The following NRXN3 variants were observed in gnomAD, a reference collection of about 807,000 sequenced individuals.
The protein encoded by NRXN3 is neurexin III.
Under a neutral mutation model 137.6 loss-of-function variants are expected in NRXN3, and 32 were observed. The observed-to-expected ratio is 0.23, with a 90% CI of 0.18 to 0.31. The LOEUF (loss-of-function observed/expected upper bound fraction) is 0.31, where lower values mean the gene tolerates loss of function less well. Ranked by LOEUF, NRXN3 falls within the 10% of genes least tolerant of loss-of-function variation. The pLI is 1.00. For missense variants in NRXN3, 1,574 were observed against 2,062.5 expected, an observed-to-expected ratio of 0.76 and a Z score of 4.59; for synonymous variants, 798 against 784.5, an observed-to-expected ratio of 1.02 and a Z score of -0.29.
chr14:78,543,658 T>C (rs758002762), intron 4 of NRXN3, among the ~76,000 whole-genome samples: 3 of 152,174 alleles, frequency 2.0e-5, no homozygotes, highest in Admixed American at 6.5e-5. Context: ...ACCTCAGTGA[T>C]GAGTTATCCA....
At chr14:79,779,105 ATTGTTG>A (rs932494789) in intron 19 of NRXN3, among the ~76,000 whole-genome samples, 1 of 152,106 alleles carries the variant, frequency 6.6e-6, no homozygotes, top group African/African-American at 2.4e-5. Flanking sequence ...ATGGCAATGA[ATTGTTG>A]TTGTTGTTGT....
intron 15 of NRXN3, among the ~76,000 whole-genome samples, chr14:79,363,737 A>T (rs1172763232): frequency 3.3e-5 from 5 of 152,234 alleles, no homozygotes; most frequent in Non-Finnish European, 7.3e-5. Flanking sequence ...TGATATTTTC[A>T]TTCCAGCTCC....
intron 15 of NRXN3, among the ~76,000 whole-genome samples, chr14:79,288,751 A>G (rs1487693274): frequency 6.6e-6 from 1 of 152,234 alleles, no homozygotes; most frequent in Non-Finnish European, 1.5e-5. Flanking sequence ...TGATTAATGC[A>G]GCTAACACAC....
intron 15 of NRXN3, among the ~76,000 whole-genome samples, chr14:79,026,601 C>T (rs1200778469): frequency 1.3e-5 from 2 of 152,064 alleles, no homozygotes; most frequent in African/African-American, 4.8e-5. Context: ...AAAAATATCA[C>T]CCCAGTAACG....
chr14:79,498,351 C>G (rs1291560948), intron 16 of NRXN3, among the ~76,000 whole-genome samples: 2 of 152,110 alleles, frequency 1.3e-5, no homozygotes, highest in African/African-American at 4.8e-5. Context: ...ATGATCATTT[C>G]TTTCCTGCTT....
At chr14:78,715,477 A>C (rs2887859) in intron 8 of NRXN3, among the ~76,000 whole-genome samples, 148,725 of 152,312 alleles carry the variant, frequency 0.98, 72,678 homozygotes, top group Non-Finnish European at 0.99. Flanking sequence ...TTGACTTGTG[A>C]TTCTTTAGTG....
intron 15 of NRXN3, among the ~76,000 whole-genome samples, chr14:79,006,166 A>G (rs2152364352): frequency 6.6e-6 from 1 of 152,334 alleles, no homozygotes; most frequent in Middle Eastern, 3.4e-3. Context: ...TTGTTGAGAG[A>G]AGATTGTAAG....
intron 16 of NRXN3, among the ~76,000 whole-genome samples, chr14:79,632,092 T>G (rs1334303447): frequency 4.6e-5 from 7 of 152,142 alleles, no homozygotes; most frequent in Admixed American, 1.3e-4. Context: ...CAATAAATCT[T>G]GCTGCTACTC....
intron 19 of NRXN3, among the ~76,000 whole-genome samples, chr14:79,784,151 C>A (rs1404727162): frequency 6.6e-6 from 1 of 152,130 alleles, no homozygotes; most frequent in African/African-American, 2.4e-5. Flanking sequence ...AATATCCCAG[C>A]CTTAGCTCTA....
At chr14:79,741,895 A>G (rs2098964578) in intron 19 of NRXN3, among the ~76,000 whole-genome samples, 1 of 152,212 alleles carries the variant, frequency 6.6e-6, no homozygotes, top group South Asian at 2.1e-4. Context: ...ACAGACATAT[A>G]CACACACAAC....
intron 4 of NRXN3, among the ~76,000 whole-genome samples, chr14:78,565,540 T>C (rs1291800046): frequency 6.6e-6 from 1 of 152,272 alleles, no homozygotes; most frequent in East Asian, 1.9e-4. Context: ...GAGTTTGTTC[T>C]GTCTCTGCCA....
At chr14:78,831,638 C>T (rs1299876253) in intron 10 of NRXN3, among the ~76,000 whole-genome samples, 1 of 151,250 alleles carries the variant, frequency 6.6e-6, no homozygotes, top group Non-Finnish European at 1.5e-5. Flanking sequence ...ACATCTGTTG[C>T]TCCATTTCCT....
chr14:79,648,598 C>A (rs1191661615), intron 16 of NRXN3, among the ~76,000 whole-genome samples: 1 of 115,750 alleles, frequency 8.6e-6, no homozygotes. Context: ...AAACAAAAAT[C>A]AAATCAAAAT....
intron 8 of NRXN3, among the ~76,000 whole-genome samples, chr14:78,799,612 C>A (rs925785594): frequency 2.0e-5 from 3 of 152,144 alleles, no homozygotes; most frequent in African/African-American, 7.2e-5. Context: ...TACTAATTTA[C>A]TGTATTAGTC....
intron 2 of NRXN3, among the ~76,000 whole-genome samples, chr14:78,266,569 T>C (rs554407306): frequency 8.5e-5 from 13 of 152,170 alleles, no homozygotes; most frequent in Non-Finnish European, 1.3e-4. Flanking sequence ...AGTACTGGGA[T>C]TACAAGCATG....
At chr14:79,504,670 T>TATATATATATATATA (rs1297701522) in intron 16 of NRXN3, among the ~76,000 whole-genome samples, 1 of 143,120 alleles carries the variant, frequency 7.0e-6, no homozygotes, top group African/African-American at 2.6e-5. Context: ...TATATATATA[T>TATATATATATATATA]ATATAAAACA....
At chr14:79,565,358 TAC>T (rs1412308019) in intron 16 of NRXN3, among the ~76,000 whole-genome samples, 48 of 149,514 alleles carry the variant, frequency 3.2e-4, no homozygotes, top group East Asian at 2.0e-3. Context: ...CGTATATGTA[TAC>T]ACACACACAT....
At chr14:79,212,674 C>A (rs1262899788) in intron 15 of NRXN3, among the ~76,000 whole-genome samples, 1 of 152,060 alleles carries the variant, frequency 6.6e-6, no homozygotes, top group Non-Finnish European at 1.5e-5. Flanking sequence ...CAAAAGGAGA[C>A]AAACACACAA....
intron 4 of NRXN3, among the ~76,000 whole-genome samples, chr14:78,478,559 G>C (rs1234444504): frequency 6.6e-6 from 1 of 152,092 alleles, no homozygotes; most frequent in Non-Finnish European, 1.5e-5. Context: ...AGAAAAAAAA[G>C]AGAAAGCCTT....
Sources: allele counts gnomAD v4.1 joint callset (sites outside exome capture counted in the v4.1 genomes callset), GRCh38; gene constraint gnomAD v4.1.1; transcripts MANE v1.5; gene names NCBI Gene and HGNC (gene_info 2026-07-23, HGNC 2026-07-21).